PCP4L1: variants seen among roughly 807,000 people sequenced by gnomAD.
PCP4L1 encodes the protein Purkinje cell protein 4-like protein 1.
PCP4L1 carries 9 observed loss-of-function variants against 9.6 expected under a neutral mutation model. That is an observed-to-expected ratio of 0.94 (90% CI 0.57 to 1.64). The LOEUF (loss-of-function observed/expected upper bound fraction) is 1.64, where lower values mean the gene tolerates loss of function less well. Ranked by LOEUF, PCP4L1 falls within the 40% of genes most tolerant of loss-of-function variation. PCP4L1 has a pLI of 0.00. For missense variants in PCP4L1, 81 were observed against 80.8 expected, an observed-to-expected ratio of 1.00 and a Z score of -0.01; for synonymous variants, 31 against 28.2, an observed-to-expected ratio of 1.10 and a Z score of -0.31.
intron 1 of PCP4L1, among the ~76,000 whole-genome samples, chr1:161,281,580 C>T (rs1323776773): frequency 2.6e-5 from 4 of 151,568 alleles, no homozygotes; most frequent in East Asian, 1.9e-4. Flanking sequence ...ACCTCCCTCC[C>T]GGACGGGGCA....
At chr1:161,270,899 C>T (rs1268723894) in intron 1 of PCP4L1, among the ~76,000 whole-genome samples, 1 of 151,240 alleles carries the variant, frequency 6.6e-6, no homozygotes, top group Non-Finnish European at 1.5e-5. Context: ...AAAGAGACCC[C>T]AAAGAGATCC....
chr1:161,261,432 G>T (rs896282494), intron 1 of PCP4L1, among the ~76,000 whole-genome samples: 10 of 152,158 alleles, frequency 6.6e-5, no homozygotes, highest in African/African-American at 2.2e-4. Context: ...GTTCGTGCAC[G>T]AAGGAGCTGC....
rs186031822 is a variant in PCP4L1 at position 161,272,379 on chromosome 1, G to A, written c.10-11289G>A. On this transcript the variant is annotated intron_variant, in intron 1 of 2. Transcript: ENST00000504449. ...TCGAGACAAGCCTGGCCAACATGGTGAAACCCTGTCTCTACTAAAAATACA... is the reference window on the plus strand; with the variant it reads ...TCGAGACAAGCCTGGCCAACATGGTAAAACCCTGTCTCTACTAAAAATACA... Among the ~76,000 whole-genome samples, 83 of 151,812 alleles carry A rather than the reference G, an allele frequency of 5.5e-4. No homozygotes were observed. The East Asian group carries it at 0.015, about 28-fold the overall frequency.
intron 1 of PCP4L1, among the ~76,000 whole-genome samples, chr1:161,274,073 T>C (rs777247365): frequency 6.6e-6 from 1 of 152,208 alleles, no homozygotes; most frequent in Non-Finnish European, 1.5e-5. Flanking sequence ...ATAGAAATAA[T>C]AATTATACCT....
chr1:161,268,218 T>C (rs563769532), intron 1 of PCP4L1, among the ~76,000 whole-genome samples: 3 of 148,410 alleles, frequency 2.0e-5, no homozygotes, highest in Non-Finnish European at 4.5e-5. Flanking sequence ...GGGACAGACA[T>C]TGGGAAGACA....
chr1:161,284,296 C>A lies in PCP4L1; in HGVS notation c.65-43C>A, dbSNP rs368995552. ...GGGGGCCTGGAGAAAGGGTCTAGAG[C>A]AGGTCAGATTAACTCATTAATGAGT... On this transcript the variant is annotated intron_variant, in intron 2 of 2. Transcript: ENST00000504449. The A allele has an allele frequency of 1.4e-5, 22 of 1,613,586 alleles. No individual in the cohort carries two copies. The African/African-American group carries it at 2.5e-4, about 19-fold the overall frequency.
intron 1 of PCP4L1, among the ~76,000 whole-genome samples, chr1:161,263,899 C>CTTTT (rs1160429112): frequency 1.6e-4 from 11 of 70,768 alleles, no homozygotes; most frequent in Non-Finnish European, 2.1e-4. Context: ...ACTTTCTTTC[C>CTTTT]TTTTTTTTTT....
At chr1:161,284,234 C>T in intron 2 of PCP4L1, 105 bp from the exon 3 acceptor site, 1 of 1,502,290 alleles carries the variant, frequency 6.7e-7, no homozygotes, top group South Asian at 1.3e-5. Flanking sequence ...GGGGACCCCA[C>T]AGAGTCTGGC....
intron 1 of PCP4L1, among the ~76,000 whole-genome samples, chr1:161,281,783 CGG>C (rs774038781): frequency 0.11 from 3,611 of 31,466 alleles, 210 homozygotes; most frequent in Admixed American, 0.13. Flanking sequence ...CCTCACATCC[CGG>C]ACGGGGCGGC....
intron 1 of PCP4L1, among the ~76,000 whole-genome samples, chr1:161,265,472 G>A (rs952773450): frequency 3.9e-5 from 6 of 152,050 alleles, no homozygotes; most frequent in South Asian, 2.1e-4. Context: ...GCAGTGAGCC[G>A]TGATTGTGCC....
At chr1:161,280,929 G>A (rs1669783878) in intron 1 of PCP4L1, among the ~76,000 whole-genome samples, 1 of 152,044 alleles carries the variant, frequency 6.6e-6, no homozygotes, top group Admixed American at 6.6e-5. Flanking sequence ...GTGGAGGGAA[G>A]GTCAGCAGAT....
chr1:161,260,741 T>C (rs1474707548), intron 1 of PCP4L1, among the ~76,000 whole-genome samples: 2 of 152,150 alleles, frequency 1.3e-5, no homozygotes, highest in African/African-American at 4.8e-5. Flanking sequence ...AGCAGCTGAA[T>C]TTGGTTAGCC....
intron 1 of PCP4L1, among the ~76,000 whole-genome samples, chr1:161,281,922 C>T (rs903556021): frequency 5.9e-5 from 9 of 151,618 alleles, no homozygotes; most frequent in Admixed American, 5.3e-4. Flanking sequence ...CGGGAAGAGG[C>T]GCTCCTCACA....
intron 1 of PCP4L1, among the ~76,000 whole-genome samples, chr1:161,276,417 T>G (rs1669698559): frequency 6.6e-6 from 1 of 152,138 alleles, no homozygotes; most frequent in African/African-American, 2.4e-5. Flanking sequence ...GCGTGGTGGC[T>G]TGTGCCTTTA....
At chr1:161,283,874 A>G (rs972237181) in intron 2 of PCP4L1, among the ~76,000 whole-genome samples, 152 bp downstream of exon 2, 5 of 147,452 alleles carry the variant, frequency 3.4e-5, no homozygotes, top group East Asian at 2.2e-4. Context: ...CTACAGTACT[A>G]TATCTATAGG....
chr1:161,280,947 T>C (rs1179364410), intron 1 of PCP4L1, among the ~76,000 whole-genome samples: 2 of 151,954 alleles, frequency 1.3e-5, no homozygotes, highest in Non-Finnish European at 2.9e-5. Flanking sequence ...GATAAACAAG[T>C]GAACAAAGGT....
chr1:161,265,892 C>T (rs1422036081), intron 1 of PCP4L1, among the ~76,000 whole-genome samples: 1 of 151,900 alleles, frequency 6.6e-6, no homozygotes, highest in African/African-American at 2.4e-5. Flanking sequence ...CACCCAACAC[C>T]ACGCCCGGCT....
chr1:161,284,198 G>A, intron 2 of PCP4L1, 141 bp from the exon 3 acceptor site: 1 of 994,788 alleles, frequency 1.0e-6, no homozygotes. Context: ...GGAATTATCA[G>A]GCATTCATAA....
At chr1:161,262,531 T>C (rs1213654865) in intron 1 of PCP4L1, among the ~76,000 whole-genome samples, 1 of 151,944 alleles carries the variant, frequency 6.6e-6, no homozygotes. Flanking sequence ...TTTCTTAGTC[T>C]CCCATTTATG....
Sources: allele counts gnomAD v4.1 joint callset (sites outside exome capture counted in the v4.1 genomes callset), GRCh38; gene constraint gnomAD v4.1.1; transcripts MANE v1.5; gene names NCBI Gene and HGNC (gene_info 2026-07-23, HGNC 2026-07-21).